The following ADPRS variants were observed in gnomAD, a reference collection of about 807,000 sequenced individuals.
ADPRS encodes the protein ADP-ribosylserine hydrolase.
ADPRS carries 25 observed loss-of-function variants against 32.1 expected under a neutral mutation model. That is an observed-to-expected ratio of 0.78 (90% confidence interval 0.57 to 1.09). The LOEUF (loss-of-function observed/expected upper bound fraction) is 1.09, where lower values mean the gene tolerates loss of function less well. ADPRS is among the 50% of genes least tolerant of loss of function. The pLI is 0.00. For missense variants in ADPRS, 482 were observed against 480.6 expected, an observed-to-expected ratio of 1.00 and a Z score of -0.03; for synonymous variants, 225 against 201.0, an observed-to-expected ratio of 1.12 and a Z score of -1.01.
chr1:36,093,110 T>C lies in ADPRS; in HGVS notation c.816T>C (p.Ala272=). 6.2e-7 allele frequency: 1 copy of C among 1,613,788 alleles called. No homozygotes were observed. Among genetic ancestry groups the C allele is most frequent in the Non-Finnish European group, 8.5e-7 (1 of 1,179,722 alleles). ...GCTTCCCCACAGGGAATGGCATTGCTGCCTTTGAGTCGGTACCCACCGCCA... is the reference window on the plus strand; with the variant it reads ...GCTTCCCCACAGGGAATGGCATTGCCGCCTTTGAGTCGGTACCCACCGCCA... ...EVVSELGNGI[A]AFESVPTAIY... is the part of the protein sequence containing the mutation. The change falls in exon 6 of 6, where the codon GCT becomes GCC. Residue 272 remains alanine, a synonymous_variant. Coordinates refer to ENST00000373178, the MANE Select transcript of ADPRS (RefSeq NM_017825.3).
At chr1:36,092,316 T>G in intron 4 of ADPRS, 106 bp from the exon 5 acceptor site, 1 of 1,267,472 alleles carries the variant, frequency 7.9e-7, no homozygotes, top group South Asian at 1.4e-5. Flanking sequence ...TGTGCCTGGC[T>G]GCCAGCCTGA....
Position 36,093,422 on chromosome 1 carries a change from C to A in ADPRS, c.*36C>A. 6.3e-7 allele frequency: 1 copy of A among 1,585,682 alleles called. No homozygotes were observed. The highest frequency in any genetic ancestry group is 1.1e-5 in the South Asian group (1 of 87,532). On this transcript the variant is annotated 3_prime_UTR_variant, in exon 6 of 6. Coordinates refer to ENST00000373178, the MANE Select transcript of ADPRS (RefSeq NM_017825.3). The stretch of plus-strand genomic sequence containing the variant: ...AGCTGTTGGGGCTCTGCCAGGTCCC[C>A]TGGGACCAACTACAGCTCCAATCAG...
chr1:36,091,428 C>T (rs1302037319), intron 2 of ADPRS, 88 bp downstream of exon 2: 11 of 1,343,202 alleles, frequency 8.2e-6, no homozygotes, highest in African/African-American at 1.4e-5. Context: ...TGCATGTCCA[C>T]GCCCCCAACC....
chr1:36,090,214 C>T (rs61072764), intron 1 of ADPRS, among the ~76,000 whole-genome samples: 1 of 152,056 alleles, frequency 6.6e-6, no homozygotes, highest in Non-Finnish European at 1.5e-5. Flanking sequence ...CCCAGCTACT[C>T]CAGAGACTGA....
Position 36,089,000 on chromosome 1 carries a change from C to G in ADPRS, c.96C>G (p.Leu32=). Residue 32 remains leucine, a synonymous_variant, in exon 1 of 6, where the codon CTC becomes CTG. Coordinates refer to ENST00000373178, the MANE Select transcript of ADPRS (RefSeq NM_017825.3). ...RFRGCLAGAL[L]GDCVGSFYEA... ...GAGGCTGCCTGGCTGGCGCGCTGCT[C>G]GGGGACTGCGTGGGCTCCTTCTACG... The G allele has an allele frequency of 2.7e-6, 4 of 1,482,432 alleles. No individual in the cohort carries two copies. Among genetic ancestry groups the G allele is most frequent in the Non-Finnish European group, 3.6e-6 (4 of 1,120,698 alleles). The allele number at this position is 1,482,432 out of a possible 1,614,324, so 91.8% of individuals were successfully genotyped here.
At chr1:36,089,335 C>A (rs1170625481) in intron 1 of ADPRS, among the ~76,000 whole-genome samples, 3 of 152,344 alleles carry the variant, frequency 2.0e-5, no homozygotes. Flanking sequence ...CGGGGCGTGG[C>A]AGCACCGGGG....
At chr1:36,090,948 A>G (rs1187858408) in intron 1 of ADPRS, among the ~76,000 whole-genome samples, 1 of 152,120 alleles carries the variant, frequency 6.6e-6, no homozygotes, top group African/African-American at 2.4e-5. Flanking sequence ...AGGCAGGAGG[A>G]TTGCTTGAGC....
intron 4 of ADPRS, 31 bp downstream of exon 4, chr1:36,092,125 G>A (rs778134868): frequency 6.4e-7 from 1 of 1,566,450 alleles, no homozygotes; most frequent in African/African-American, 1.4e-5. Context: ...GTGTGGTGTG[G>A]GTATGTGGGT....
chr1:36,092,073 A>G lies in ADPRS; in HGVS notation c.680A>G (p.Gln227Arg). ...ATGGAGGATCTGGAGGGTGATGCCC[A>G]GTCCGTCTTGGATGCCAGGGAGTGA... ...GHMEDLEGDAQSVLDARELGM... is the reference protein window; with the variant it reads ...GHMEDLEGDARSVLDARELGM... The change falls in exon 4 of 6, where the codon CAG becomes CGG. Residue 227 changes from glutamine to arginine, a missense_variant. By Grantham distance (43) the Gln-to-Arg change is conservative. Transcript: ENST00000373178. 6.2e-7 allele frequency: 1 copy of G among 1,610,774 alleles called. No homozygotes were observed. Among genetic ancestry groups the G allele is most frequent in the South Asian group, 1.1e-5 (1 of 90,614 alleles).
rs139736291 is a variant in ADPRS, at chr1:36,091,800, A to G, written c.491A>G (p.Tyr164Cys). Residue 164 changes from tyrosine to cysteine, a missense_variant, in exon 3 of 6, where the codon TAT becomes TGT. Physicochemically the swap from Tyr to Cys is radical, Grantham distance 194. Coordinates refer to ENST00000373178, the MANE Select transcript of ADPRS (RefSeq NM_017825.3). Reference sequence around the variant, plus strand: ...CGGGTGGCTGGCATCTCCCTGGCCTATAGCAGTGTCCAGGATGTGCAGAAG... The same window carrying G: ...CGGGTGGCTGGCATCTCCCTGGCCTGTAGCAGTGTCCAGGATGTGCAGAAG... ...AMRVAGISLA[Y>C]SSVQDVQKFA... 885 of 1,607,878 alleles carry G rather than the reference A, an allele frequency of 5.5e-4. No homozygotes were observed. Among genetic ancestry groups the G allele is most frequent in the Non-Finnish European group, 6.6e-4 (771 of 1,175,738 alleles).
chr1:36,089,709 C>T (rs1236174281), intron 1 of ADPRS, among the ~76,000 whole-genome samples: 3 of 152,176 alleles, frequency 2.0e-5, no homozygotes, highest in African/African-American at 4.8e-5. Context: ...AGCCACATTC[C>T]TTAACGTGTC....
chr1:36,091,225 C>G lies in ADPRS; in HGVS notation c.212-19C>G. ...CAAAGGTGAGCAGGAGGCTCTCATC[C>G]TCCCTCCTCTCCCCACAGAAGCCTT... On this transcript the variant is annotated intron_variant, in intron 1 of 5. Transcript: ENST00000373178. The G allele has an allele frequency of 1.2e-6, 2 of 1,600,158 alleles. No individual in the cohort carries two copies. Among genetic ancestry groups the G allele is most frequent in the Non-Finnish European group, 8.6e-7 (1 of 1,167,902 alleles).
In ADPRS at chr1:36,093,255, A is replaced by G. The variant is rs754129757; in HGVS notation, c.961A>G (p.Met321Val). 1.2e-5 allele frequency: 19 copies of G among 1,614,120 alleles called. No individual in the cohort carries two copies. Among genetic ancestry groups the G allele is most frequent in the Non-Finnish European group, 1.5e-5 (18 of 1,180,052 alleles). The stretch of plus-strand genomic sequence containing the variant: ...TGGGGACACAGACACCATTGCCACC[A>G]TGGCTGGGGCCATTGCTGGTGCCTA... ...LGGDTDTIATMAGAIAGAYYG... is the reference protein window; with the variant it reads ...LGGDTDTIATVAGAIAGAYYG... Residue 321 changes from methionine (M) to valine (V), a missense_variant, in exon 6 of 6, where the codon ATG (methionine) becomes GTG (valine). Transcript: ENST00000373178.
intron 1 of ADPRS, among the ~76,000 whole-genome samples, chr1:36,089,688 C>G (rs978102720): frequency 1.3e-5 from 2 of 152,156 alleles, no homozygotes; most frequent in Non-Finnish European, 2.9e-5. Context: ...TTCCCATTAC[C>G]CTTAGTACAG....
intron 5 of ADPRS, among the ~76,000 whole-genome samples, chr1:36,092,742 G>A (rs1054762143): frequency 4.6e-5 from 7 of 152,210 alleles, no homozygotes; most frequent in South Asian, 2.1e-4. Context: ...GCCACTAGTC[G>A]TAAAAATGTT....
chr1:36,092,132 G>C, intron 4 of ADPRS, 38 bp downstream of exon 4: 4 of 1,559,614 alleles, frequency 2.6e-6, no homozygotes, highest in Non-Finnish European at 3.5e-6. Context: ...GTGGGTATGT[G>C]GGTGATCCAG....
rs1395954019 is a variant in ADPRS, at chr1:36,091,268, C to T, written c.236C>T (p.Thr79Ile). 1.2e-6 allele frequency: 2 copies of T among 1,614,222 alleles called. No individual in the cohort carries two copies. The highest frequency in any genetic ancestry group is 1.7e-6 in the Non-Finnish European group (2 of 1,180,020). Reference sequence around the variant, plus strand: ...GAAGCCTTGTACTACACAGATGACACAGCCATGGCCAGGGCCCTGGTGCAG... The same window carrying T: ...GAAGCCTTGTACTACACAGATGACATAGCCATGGCCAGGGCCCTGGTGCAG... Reference protein sequence around the residue: ...RTEALYYTDDTAMARALVQSL... With the variant: ...RTEALYYTDDIAMARALVQSL... Residue 79 changes from threonine to isoleucine, a missense_variant, in exon 2 of 6, where the codon ACA becomes ATA. Physicochemically the swap from Thr to Ile is moderately conservative, Grantham distance 89. Coordinates refer to ENST00000373178, the MANE Select transcript of ADPRS (RefSeq NM_017825.3).
At chr1:36,091,046 A>T (rs139020740) in intron 1 of ADPRS, among the ~76,000 whole-genome samples, 198 bp from the exon 2 acceptor site, 1 of 152,000 alleles carries the variant, frequency 6.6e-6, no homozygotes, top group African/African-American at 2.4e-5. Context: ...ATGCATGCCT[A>T]TAGTCCCAGC....
chr1:36,091,520 G>A (rs1308978380), intron 2 of ADPRS, 98 bp from the exon 3 acceptor site: 38 of 1,316,482 alleles, frequency 2.9e-5, no homozygotes, highest in Admixed American at 4.7e-5. Flanking sequence ...TTAGGCCCCC[G>A]AGGCTTTCTC....
Sources: gnomAD v4.1 joint callset for allele counts (sites outside exome capture counted in the v4.1 genomes callset) on GRCh38, gnomAD v4.1.1 for gene constraint, MANE v1.5 for transcripts, NCBI Gene and HGNC (gene_info 2026-07-23, HGNC 2026-07-21) for gene names.